RREB1: variants seen among roughly 807,000 people sequenced by gnomAD.
The protein encoded by RREB1 is ras responsive element binding protein 1.
Under a neutral mutation model 117.8 loss-of-function variants are expected in RREB1, and 27 were observed. The ratio of observed to expected loss-of-function variants is 0.23; its 90% CI spans 0.17 to 0.32. RREB1 has a LOEUF of 0.32. RREB1 is among the 10% of genes least tolerant of loss of function. The pLI is 1.00. For missense variants in RREB1, 2,577 were observed against 2,378.2 expected (o/e 1.08, Z -1.74); for synonymous variants, 1,298 against 1,026.7 (o/e 1.26, Z -5.05).
At chr6:7,186,824 C>T (rs1765106222) in intron 4 of RREB1, among the ~76,000 whole-genome samples, 3 of 152,222 alleles carry the variant, frequency 2.0e-5, no homozygotes, top group East Asian at 1.9e-4. Flanking sequence ...TCAAAGTTGT[C>T]GTGATAAGGA....
intron 1 of RREB1, among the ~76,000 whole-genome samples, chr6:7,109,218 G>A (rs1761010287): frequency 1.3e-5 from 2 of 151,900 alleles, no homozygotes; most frequent in South Asian, 4.1e-4. Context: ...GGCCCCCGGC[G>A]TCTAGCTGGG....
At position 7,251,168 on chromosome 6, in the gene RREB1, G is replaced by A. The variant is rs939140515; in HGVS notation, c.*2200G>A. 1.3e-5 allele frequency: 2 copies of A among 152,048 alleles called. No homozygotes were observed. Among genetic ancestry groups the A allele is most frequent in the East Asian group, 3.8e-4 (2 of 5,196 alleles). 9.4% of individuals were successfully genotyped at this position (152,048 alleles called of 1,614,324 possible). A position where few individuals can be genotyped will look rare whatever the true frequency, so the allele number is the denominator to read the frequency against. ...ACGTGTGTAGCTGGGGCTGCCGCTC[G>A]CAATAATCACTATTGATTTAAAGCT... is the stretch of plus-strand genomic sequence containing the variant. On this transcript the variant is annotated 3_prime_UTR_variant, in exon 13 of 13. Transcript: ENST00000379938.
At chr6:7,245,936 C>T (rs1233195410) in intron 11 of RREB1, among the ~76,000 whole-genome samples, 1 of 152,244 alleles carries the variant, frequency 6.6e-6, no homozygotes, top group Non-Finnish European at 1.5e-5. Flanking sequence ...GGGTCGTTTC[C>T]TGTGAAACTC....
At chr6:7,187,383 C>T (rs1476867242) in intron 4 of RREB1, 51 bp from the exon 5 acceptor site, 1 of 1,181,000 alleles carries the variant, frequency 8.5e-7, no homozygotes, top group South Asian at 1.3e-5. Context: ...AGAAAAGGCA[C>T]TTGTTGACTG....
chr6:7,249,032 T>C lies in RREB1; in HGVS notation c.*64T>C. On this transcript the variant is annotated 3_prime_UTR_variant, in exon 13 of 13. Coordinates refer to ENST00000379938, the MANE Select transcript of RREB1 (RefSeq NM_001003699.4). ...AGCAAAGCGTCTATACTTCATGGGG[T>C]TTCCTCAGTGCCCTTTGGCTGTTGA... is the stretch of plus-strand genomic sequence containing the variant. The C allele has an allele frequency of 7.7e-7, 1 of 1,300,750 alleles. No homozygotes were observed. The highest frequency in any genetic ancestry group is 1.6e-5 in the South Asian group (1 of 64,252). The allele number at this position is 1,300,750 out of a possible 1,614,324, so 80.6% of individuals were successfully genotyped here.
At position 7,246,624 on chromosome 6, in the gene RREB1, G is replaced by A. The variant is rs1581599318; in HGVS notation, c.4174G>A (p.Glu1392Lys). Residue 1392 changes from glutamate (E) to lysine (K), a missense_variant, in exon 12 of 13, where the codon GAG becomes AAG. Transcript: ENST00000379938. Reference protein sequence around the residue: ...HGRGESHEPEEEHGTEESTGD... With the variant: ...HGRGESHEPEKEHGTEESTGD... ...GCGTGGGGAGAGCCATGAGCCGGAG[G>A]AGGAGCATGGCACTGAGGAGAGCAC... The A allele has an allele frequency of 1.9e-6, 3 of 1,567,994 alleles. No homozygotes were observed. The highest frequency in any genetic ancestry group is 2.6e-6 in the Non-Finnish European group (3 of 1,156,676).
chr6:7,221,371 A>T, intron 8 of RREB1, among the ~76,000 whole-genome samples: 1 of 151,566 alleles, frequency 6.6e-6, no homozygotes, highest in Non-Finnish European at 1.5e-5. Flanking sequence ...ACGGGGTTTC[A>T]CCTTGTTAGC....
intron 1 of RREB1, among the ~76,000 whole-genome samples, chr6:7,110,783 C>G (rs902069735): frequency 2.0e-5 from 3 of 152,148 alleles, no homozygotes; most frequent in African/African-American, 7.2e-5. Flanking sequence ...TTTAGAATGT[C>G]TTGTTTTTAA....
At chr6:7,196,231 G>GTTTT (rs1179803646) in intron 6 of RREB1, among the ~76,000 whole-genome samples, 4 of 83,796 alleles carry the variant, frequency 4.8e-5, no homozygotes, top group Non-Finnish European at 1.0e-4. Context: ...TTTTTTTTTT[G>GTTTT]TTTTTTTTTT....
chr6:7,181,474 G>A (rs925304211), intron 3 of RREB1: 2 of 424,112 alleles, frequency 4.7e-6, no homozygotes, highest in Non-Finnish European at 8.2e-6. Flanking sequence ...ACTAGTTTTA[G>A]GTCTGGAACA....
At chr6:7,188,222 C>T (rs990613476) in intron 5 of RREB1, among the ~76,000 whole-genome samples, 2 of 91,552 alleles carry the variant, frequency 2.2e-5, no homozygotes, top group South Asian at 3.6e-4. Flanking sequence ...CGCTCCCCCC[C>T]ACACGTGTGT....
rs568297250 is a variant in RREB1 at position 7,109,553 on chromosome 6, C to G, written c.-285+1493C>G. ...GGAGCTGGGGGACGCGGGGACCCCA[C>G]GGGGTGCGGGCCCGGGCCGCTTGAC... On this transcript the variant is annotated intron_variant, in intron 1 of 12. Transcript: ENST00000379938. 2.6e-5 allele frequency among the ~76,000 whole-genome samples: 4 copies of G among 152,240 alleles called. No individual in the cohort carries two copies. In the East Asian group the frequency reaches 7.7e-4, roughly 29 times the overall value.
chr6:7,136,515 A>G (rs772269975), intron 1 of RREB1, among the ~76,000 whole-genome samples: 1 of 152,048 alleles, frequency 6.6e-6, no homozygotes, highest in Non-Finnish European at 1.5e-5. Context: ...GGCTCCAGCA[A>G]CCCGCTATCC....
intron 4 of RREB1, among the ~76,000 whole-genome samples, chr6:7,185,525 G>A (rs556208962): frequency 7.9e-5 from 12 of 152,048 alleles, no homozygotes; most frequent in African/African-American, 2.4e-4. Context: ...AGCCAAGATC[G>A]TGCCACTGTA....
chr6:7,167,679 A>G (rs1764017983), intron 1 of RREB1, among the ~76,000 whole-genome samples: 1 of 152,198 alleles, frequency 6.6e-6, no homozygotes, highest in South Asian at 2.1e-4. Context: ...TCCTGCCTTC[A>G]AGGTTTTGGC....
chr6:7,231,779 C>T lies in RREB1; in HGVS notation c.3680C>T (p.Pro1227Leu), dbSNP rs201806925. 9.8e-5 allele frequency: 158 copies of T among 1,613,702 alleles called. No individual in the cohort carries two copies. The Middle Eastern group carries it at 2.1e-3, about 22-fold the overall frequency. Residue 1227 changes from proline to leucine, a missense_variant, in exon 10 of 13, where the codon CCA becomes CTA. Physicochemically the swap from Pro to Leu is moderately conservative, Grantham distance 98. Coordinates refer to ENST00000379938, the MANE Select transcript of RREB1 (RefSeq NM_001003699.4). ...GPSDEEQGSP[P>L]EDKLLRAKRN... ...AGTGATGAAGAGCAGGGCAGTCCCC[C>T]AGAAGACAAGCTGCTGAGGGCCAAG...
intron 2 of RREB1, among the ~76,000 whole-genome samples, chr6:7,178,568 A>C (rs1764626933): frequency 6.6e-6 from 1 of 152,226 alleles, no homozygotes; most frequent in African/African-American, 2.4e-5. Context: ...GAAGAACTCA[A>C]ATAGAAGACA....
intron 1 of RREB1, among the ~76,000 whole-genome samples, chr6:7,163,552 C>T (rs1451834835): frequency 3.9e-5 from 6 of 152,070 alleles, no homozygotes; most frequent in African/African-American, 9.7e-5. Flanking sequence ...CCACCACGCC[C>T]GGCTAATTTT....
chr6:7,247,274 CCT>C, intron 12 of RREB1, 53 bp downstream of exon 12: 4 of 1,532,874 alleles, frequency 2.6e-6, no homozygotes, highest in Non-Finnish European at 3.5e-6. Context: ...GAGCCGGGCA[CCT>C]CTCCTAGGAG....
Sources: gnomAD v4.1 joint callset for allele counts (sites outside exome capture counted in the v4.1 genomes callset) on GRCh38, gnomAD v4.1.1 for gene constraint, MANE v1.5 for transcripts, NCBI Gene and HGNC (gene_info 2026-07-23, HGNC 2026-07-21) for gene names.